The following SDK1 variants were observed in gnomAD, a reference collection of about 807,000 sequenced individuals.
SDK1 encodes sidekick cell adhesion molecule 1, also known as protein sidekick-1.
A neutral mutation model predicts 245.5 loss-of-function variants in SDK1; 157 were observed. That is an observed-to-expected ratio of 0.64 (90% CI 0.56 to 0.73). SDK1 has a LOEUF of 0.73. Among genes scored for constraint, SDK1 ranks in the 30% least tolerant of loss-of-function variants. The probability of loss-of-function intolerance (pLI) is 0.00; values close to 1 mark genes in which losing one functional copy is unlikely to be tolerated. For missense variants in SDK1, 3,583 were observed against 3,002.3 expected, an observed-to-expected ratio of 1.19 and a Z score of -4.52; for synonymous variants, 1,647 against 1,278.5, an observed-to-expected ratio of 1.29 and a Z score of -6.15.
At chr7:4,264,277 A>G (rs1177191246) in intron 44 of SDK1, among the ~76,000 whole-genome samples, 1 of 83,374 alleles carries the variant, frequency 1.2e-5, no homozygotes, top group Non-Finnish European at 2.3e-5. Context: ...GAGGCCGCGT[A>G]GACCTCTCCT....
Position 4,175,126 on chromosome 7 carries a change from G to A in SDK1, c.4937-649G>A, listed in dbSNP as rs116253246. On this transcript the variant is annotated intron_variant, in intron 33 of 44. Transcript: ENST00000404826. Reference sequence around the variant, plus strand: ...GCGGGGCCTTCCACGCACCCAGTGCGCGGACGGCAGCAGCTCCTATGCTCC... The same window carrying A: ...GCGGGGCCTTCCACGCACCCAGTGCACGGACGGCAGCAGCTCCTATGCTCC... Among the ~76,000 whole-genome samples the A allele has an allele frequency of 3.2e-3, 482 of 152,326 alleles. 5 individuals carry two copies. The highest frequency in any genetic ancestry group is 0.011 in the African/African-American group (448 of 41,572).
At chr7:3,652,193 C>G (rs1783032399) in intron 4 of SDK1, among the ~76,000 whole-genome samples, 1 of 152,174 alleles carries the variant, frequency 6.6e-6, no homozygotes, top group Non-Finnish European at 1.5e-5. Flanking sequence ...TGCAGAGAAA[C>G]CGCGCGTGTC....
At chr7:3,818,574 C>CA (rs1354609443) in intron 4 of SDK1, among the ~76,000 whole-genome samples, 1 of 152,058 alleles carries the variant, frequency 6.6e-6, no homozygotes, top group East Asian at 1.9e-4. Flanking sequence ...CCCTTAAATC[C>CA]AAAAAAGATG....
chr7:3,344,217 A>G (rs981397690), intron 1 of SDK1, among the ~76,000 whole-genome samples: 4 of 152,178 alleles, frequency 2.6e-5, no homozygotes, highest in Admixed American at 6.5e-5. Flanking sequence ...AACTCCCTAC[A>G]TGTTCAATTT....
chr7:3,822,431 T>C lies in SDK1; in HGVS notation c.847+848T>C, dbSNP rs1340275910. ...TTTGTATAGTAGTGGATTTTATCTT[T>C]TTAAAAATTGTCTTGAAGGAATCGT... On this transcript the variant is annotated intron_variant, in intron 5 of 44. Transcript: ENST00000404826. 3.3e-5 allele frequency among the ~76,000 whole-genome samples: 5 copies of C among 152,332 alleles called. No individual in the cohort carries two copies. In the South Asian group the frequency reaches 8.3e-4, roughly 25 times the overall value.
At chr7:4,249,373 C>T (rs1175330614) in intron 44 of SDK1, among the ~76,000 whole-genome samples, 1 of 152,192 alleles carries the variant, frequency 6.6e-6, no homozygotes, top group Non-Finnish European at 1.5e-5. Flanking sequence ...TGGCAAGGGG[C>T]CTGGGAACCA....
chr7:3,504,729 G>A (rs1404586520), intron 1 of SDK1, among the ~76,000 whole-genome samples: 1 of 151,880 alleles, frequency 6.6e-6, no homozygotes, highest in Non-Finnish European at 1.5e-5. Flanking sequence ...CATTACCTTG[G>A]GTTAGGCAGT....
At chr7:4,249,212 C>T (rs1193786689) in intron 44 of SDK1, among the ~76,000 whole-genome samples, 1 of 152,162 alleles carries the variant, frequency 6.6e-6, no homozygotes, top group Non-Finnish European at 1.5e-5. Context: ...ATGTAACAGG[C>T]AGAAAGCCGA....
chr7:4,081,946 A>G (rs11979803), intron 22 of SDK1, among the ~76,000 whole-genome samples: 41,603 of 152,098 alleles, frequency 0.27, 7,009 homozygotes, highest in African/African-American at 0.48. Flanking sequence ...TCACATGCCA[A>G]TATGGATGAA....
In SDK1 at chr7:3,636,038, T is replaced by C. The variant is rs574710280; in HGVS notation, c.459-2966T>C. 4.6e-5 allele frequency among the ~76,000 whole-genome samples: 7 copies of C among 152,348 alleles called. No homozygotes were observed. The East Asian group carries it at 1.3e-3, about 29-fold the overall frequency. On this transcript the variant is annotated intron_variant, in intron 2 of 44. Transcript: ENST00000404826. ...GTACCTTATTCAACTGCAATGTGCA[T>C]ATATTCATTTTTATTTTTTAATACG...
At chr7:3,603,608 T>C (rs1781319362) in intron 1 of SDK1, among the ~76,000 whole-genome samples, 1 of 152,158 alleles carries the variant, frequency 6.6e-6, no homozygotes, top group African/African-American at 2.4e-5. Flanking sequence ...TTTCTAGATA[T>C]ACAATCATGT....
rs369928102 is a variant in SDK1, at chr7:4,233,249, T to C, written c.5828-6T>C. The C allele has an allele frequency of 4.0e-5, 65 of 1,610,898 alleles. No individual in the cohort carries two copies. The highest frequency in any genetic ancestry group is 5.3e-5 in the Non-Finnish European group (63 of 1,178,082). ...CTCTGCTCTCGCCTCCCCATCCCTC[T>C]TGCAGATGAAGGCTTATGGGACATG... On this transcript the variant is annotated splice_region_variant and splice_polypyrimidine_tract_variant and intron_variant, in intron 40 of 44. Transcript: ENST00000404826.
chr7:3,829,807 C>T (rs1336771822), intron 5 of SDK1, among the ~76,000 whole-genome samples: 1 of 152,190 alleles, frequency 6.6e-6, no homozygotes, highest in Admixed American at 6.5e-5. Context: ...TCCCGATCAA[C>T]ATTCATTCCA....
chr7:3,832,202 CG>C (rs1756450229), intron 5 of SDK1, among the ~76,000 whole-genome samples: 1 of 152,152 alleles, frequency 6.6e-6, no homozygotes, highest in Non-Finnish European at 1.5e-5. Context: ...CAGTTGATTA[CG>C]TGGGTTAGTT....
At chr7:3,613,252 C>T (rs1050005545) in intron 1 of SDK1, among the ~76,000 whole-genome samples, 2 of 152,194 alleles carry the variant, frequency 1.3e-5, no homozygotes, top group Non-Finnish European at 2.9e-5. Flanking sequence ...GCTCCAGCTG[C>T]TGCCCATGTG....
chr7:3,875,707 A>C (rs757933379), intron 5 of SDK1, among the ~76,000 whole-genome samples: 3 of 152,190 alleles, frequency 2.0e-5, no homozygotes, highest in Non-Finnish European at 4.4e-5. Context: ...AAGGAAGGAG[A>C]CAGAAAGTTC....
At chr7:3,632,076 C>G (rs543966877) in intron 2 of SDK1, among the ~76,000 whole-genome samples, 1 of 152,244 alleles carries the variant, frequency 6.6e-6, no homozygotes, top group South Asian at 2.1e-4. Flanking sequence ...AGAATTAAGT[C>G]AACAGACATG....
intron 1 of SDK1, among the ~76,000 whole-genome samples, chr7:3,355,150 G>A (rs1780757630): frequency 6.6e-6 from 1 of 152,168 alleles, no homozygotes; most frequent in Non-Finnish European, 1.5e-5. Flanking sequence ...TCCTGTTAAA[G>A]TAATTGAAGA....
chr7:4,247,583 C>T (rs1230840498), intron 44 of SDK1, among the ~76,000 whole-genome samples: 2 of 152,254 alleles, frequency 1.3e-5, no homozygotes, highest in African/African-American at 2.4e-5. Context: ...CTCACAGCGC[C>T]GGCCTCGGGC....
Sources: gnomAD v4.1 joint callset for allele counts (sites outside exome capture counted in the v4.1 genomes callset) on GRCh38, gnomAD v4.1.1 for gene constraint, MANE v1.5 for transcripts, NCBI Gene and HGNC (gene_info 2026-07-23, HGNC 2026-07-21) for gene names.